Variants in OPRK1 observed in about 807,000 individuals in gnomAD.
OPRK1 encodes opioid receptor kappa 1, also known as kappa-type opioid receptor.
Under a neutral mutation model 24.5 loss-of-function variants are expected in OPRK1, and 15 were observed. The observed-to-expected ratio is 0.61, with a 90% confidence interval of 0.41 to 0.94. OPRK1 has a LOEUF of 0.94. Among genes scored for constraint, OPRK1 ranks in the 40% least tolerant of loss-of-function variants. The pLI is 0.00. For missense variants in OPRK1, 479 were observed against 507.3 expected, an observed-to-expected ratio of 0.94 and a Z score of 0.54; for synonymous variants, 205 against 198.0, an observed-to-expected ratio of 1.04 and a Z score of -0.30.
chr8:53,228,343 T>G lies in OPRK1; in HGVS notation c.*954A>C, dbSNP rs1201317394. ...TCATTAGCACATGAGTTGTGAGCAC[T>G]GTTACGGGACTAAATGGTATTCAGG... On this transcript the variant is annotated 3_prime_UTR_variant, in exon 4 of 4. Transcript: ENST00000265572. 1 of 152,232 alleles carries G rather than the reference T, an allele frequency of 6.6e-6. No individual in the cohort carries two copies. The highest frequency in any genetic ancestry group is 1.5e-5 in the Non-Finnish European group (1 of 68,030). The allele number at this position is 152,232 out of a possible 1,614,324, so 9.4% of individuals were successfully genotyped here.
intron 2 of OPRK1, among the ~76,000 whole-genome samples, chr8:53,237,401 A>G (rs2128808974): frequency 6.6e-6 from 1 of 152,348 alleles, no homozygotes; most frequent in South Asian, 2.1e-4. Context: ...AGATGTATGA[A>G]ACTGTGTAAG....
rs1806702767 is a variant in OPRK1, at chr8:53,226,813, T to C, written c.*2484A>G. 6.6e-6 allele frequency: 1 copy of C among 152,206 alleles called. No homozygotes were observed. Among genetic ancestry groups the C allele is most frequent in the Non-Finnish European group, 1.5e-5 (1 of 68,038 alleles). 9.4% of individuals were successfully genotyped at this position (152,206 alleles called of 1,614,324 possible). ...CTTTTTCAATGTTGGGGAGTCGATA[T>C]TAACAAGAATCAAGAAGCTTGGACA... is the stretch of plus-strand genomic sequence containing the variant. On this transcript the variant is annotated 3_prime_UTR_variant, in exon 4 of 4. Coordinates refer to ENST00000265572, the MANE Select transcript of OPRK1 (RefSeq NM_000912.5).
rs1210894127 is a variant in OPRK1 at position 53,228,070 on chromosome 8, C to T, written c.*1227G>A. ...TTATCCTCAGCAGGTATGCCCTTCA[C>T]AGAATGCCATGCAGGATGTGTCCTG... is the stretch of plus-strand genomic sequence containing the variant. On this transcript the variant is annotated 3_prime_UTR_variant, in exon 4 of 4. Coordinates refer to ENST00000265572, the MANE Select transcript of OPRK1 (RefSeq NM_000912.5). 2 of 152,316 alleles carry T rather than the reference C, an allele frequency of 1.3e-5. No homozygotes were observed. Among genetic ancestry groups the T allele is most frequent in the Admixed American group, 6.5e-5 (1 of 15,296 alleles). 9.4% of individuals were successfully genotyped at this position (152,316 alleles called of 1,614,324 possible). A position where few individuals can be genotyped will look rare whatever the true frequency, so the allele number is the denominator to read the frequency against.
At chr8:53,242,038 G>A (rs1200668984) in intron 2 of OPRK1, among the ~76,000 whole-genome samples, 1 of 152,208 alleles carries the variant, frequency 6.6e-6, no homozygotes, top group Non-Finnish European at 1.5e-5. Flanking sequence ...TAAGAAAATG[G>A]CACCTCGCTA....
intron 2 of OPRK1, among the ~76,000 whole-genome samples, chr8:53,248,272 G>C (rs73589396): frequency 0.1 from 15,152 of 152,096 alleles, 828 homozygotes; most frequent in South Asian, 0.18. Context: ...CTAAAAGTAG[G>C]CATATCTTTC....
chr8:53,229,383 C>G lies in OPRK1; in HGVS notation c.1057G>C (p.Glu353Gln). Residue 353 changes from glutamate (E) to glutamine (Q), a missense_variant, in exon 4 of 4, where the codon GAG becomes CAG. Physicochemically the swap from Glu to Gln is conservative, Grantham distance 29. Coordinates refer to ENST00000265572, the MANE Select transcript of OPRK1 (RefSeq NM_000912.5). The part of the protein sequence containing the change: ...DFCFPLKMRM[E>Q]RQSTSRVRNT... Reference sequence around the variant, plus strand: ...CGGACTCTGCTAGTGCTCTGCCGCTCCATCCTCATCTTCAGTGGAAAGCAG... The same window carrying G: ...CGGACTCTGCTAGTGCTCTGCCGCTGCATCCTCATCTTCAGTGGAAAGCAG... 6.2e-7 allele frequency: 1 copy of G among 1,614,178 alleles called. No individual in the cohort carries two copies. Among genetic ancestry groups the G allele is most frequent in the South Asian group, 1.1e-5 (1 of 91,088 alleles).
At position 53,228,483 on chromosome 8, in the gene OPRK1, A is replaced by AG. The variant is rs1179416878; in HGVS notation, c.*813dup. ...CAGGAAATTGCCTGGCTGGGAGGCA[A>AG]GCCTATTCCTTATTCACACAGGTAC... On this transcript the variant is annotated 3_prime_UTR_variant, in exon 4 of 4. Transcript: ENST00000265572. The AG allele has an allele frequency of 6.6e-6, 1 of 152,200 alleles. No individual in the cohort carries two copies. Among genetic ancestry groups the AG allele is most frequent in the African/African-American group, 2.4e-5 (1 of 41,448 alleles). The allele number at this position is 152,200 out of a possible 1,614,324, so 9.4% of individuals were successfully genotyped here.
intron 3 of OPRK1, among the ~76,000 whole-genome samples, chr8:53,232,138 A>C (rs1806868675): frequency 1.3e-5 from 2 of 152,142 alleles, no homozygotes; most frequent in Non-Finnish European, 2.9e-5. Context: ...AGGCACAGAA[A>C]GACAAATATC....
At chr8:53,239,283 C>A (rs371733154) in intron 2 of OPRK1, among the ~76,000 whole-genome samples, 5 of 152,274 alleles carry the variant, frequency 3.3e-5, no homozygotes, top group African/African-American at 1.2e-4. Flanking sequence ...CTCTGAGGAT[C>A]TTTTAAACTG....
In OPRK1 at chr8:53,229,222, A is replaced by G. The variant is rs200726659; in HGVS notation, c.*75T>C. ...CTATCTTTTCATGTCAGACTGCAGTAGTGATCTGAGTTAAACCTAGATCAT... is the reference window on the plus strand; with the variant it reads ...CTATCTTTTCATGTCAGACTGCAGTGGTGATCTGAGTTAAACCTAGATCAT... On this transcript the variant is annotated 3_prime_UTR_variant, in exon 4 of 4. Coordinates refer to ENST00000265572, the MANE Select transcript of OPRK1 (RefSeq NM_000912.5). 3 of 1,474,502 alleles carry G rather than the reference A, an allele frequency of 2.0e-6. No homozygotes were observed. The highest frequency in any genetic ancestry group is 4.7e-4 in the Middle Eastern group (2 of 4,266). 91.3% of individuals were successfully genotyped at this position (1,474,502 alleles called of 1,614,324 possible).
At chr8:53,240,292 G>GAAACA (rs1227834377) in intron 2 of OPRK1, among the ~76,000 whole-genome samples, 6 of 152,092 alleles carry the variant, frequency 3.9e-5, no homozygotes, top group Admixed American at 6.6e-5. Flanking sequence ...AAAGAAAAAG[G>GAAACA]AAACAAAACA....
chr8:53,243,850 T>C (rs925839607), intron 2 of OPRK1, among the ~76,000 whole-genome samples: 1 of 152,098 alleles, frequency 6.6e-6, no homozygotes. Context: ...AAGCCTAAAA[T>C]AAGACTGGTG....
intron 2 of OPRK1, among the ~76,000 whole-genome samples, chr8:53,246,420 G>A (rs1301745078): frequency 1.3e-5 from 2 of 152,220 alleles, no homozygotes; most frequent in Non-Finnish European, 2.9e-5. Flanking sequence ...CCCATGACAG[G>A]CAGGAGGATG....
chr8:53,251,336 G>A lies in OPRK1; in HGVS notation c.-49+112C>T, dbSNP rs148106184. 244 of 459,574 alleles carry A rather than the reference G, an allele frequency of 5.3e-4. 1 individual carries two copies. In the East Asian group the frequency reaches 1.0e-2, roughly 19 times the overall value. The allele number at this position is 459,574 out of a possible 1,614,324, so 28.5% of individuals were successfully genotyped here. ...GCCTCCCTCACCAATTCTAGGCACCGGCCCCTGGTGGAACTGTCCCCAGAC... is the reference window on the plus strand; with the variant it reads ...GCCTCCCTCACCAATTCTAGGCACCAGCCCCTGGTGGAACTGTCCCCAGAC... On this transcript the variant is annotated intron_variant, in intron 1 of 3. Transcript: ENST00000265572.
rs1401088441 is a variant in OPRK1 at position 53,228,233 on chromosome 8, T to C, written c.*1064A>G. On this transcript the variant is annotated 3_prime_UTR_variant, in exon 4 of 4. Transcript: ENST00000265572. Reference sequence around the variant, plus strand: ...CTCCGTGAATAGAGAGATCTGCGAATCGCTATATGTTCATAAAGAGATGTG... The same window carrying C: ...CTCCGTGAATAGAGAGATCTGCGAACCGCTATATGTTCATAAAGAGATGTG... 2 of 152,218 alleles carry C rather than the reference T, an allele frequency of 1.3e-5. No individual in the cohort carries two copies. The highest frequency in any genetic ancestry group is 2.9e-5 in the Non-Finnish European group (2 of 68,042). 9.4% of individuals were successfully genotyped at this position (152,218 alleles called of 1,614,324 possible).
At chr8:53,238,004 A>C (rs1585633133) in intron 2 of OPRK1, among the ~76,000 whole-genome samples, 1 of 152,186 alleles carries the variant, frequency 6.6e-6, no homozygotes, top group Non-Finnish European at 1.5e-5. Context: ...AGTATAATTA[A>C]AAGTAATGAA....
chr8:53,242,716 C>T lies in OPRK1; in HGVS notation c.258-7605G>A, dbSNP rs1302600978. Reference sequence around the variant, plus strand: ...AGAGACGGGGTTTCACTGTGTTAGCCAGGATGGTCTCCATCTCCTGACCTC... The same window carrying T: ...AGAGACGGGGTTTCACTGTGTTAGCTAGGATGGTCTCCATCTCCTGACCTC... On this transcript the variant is annotated intron_variant, in intron 2 of 3. Coordinates refer to ENST00000265572, the MANE Select transcript of OPRK1 (RefSeq NM_000912.5). The T allele has an allele frequency of 1.1e-5, 8 of 721,330 alleles. No homozygotes were observed. The Admixed American group carries it at 3.2e-4, about 29-fold the overall frequency. The allele number at this position is 721,330 out of a possible 1,614,324, so 44.7% of individuals were successfully genotyped here. A position where few individuals can be genotyped will look rare whatever the true frequency, so the allele number is the denominator to read the frequency against.
chr8:53,251,182 C>G (rs984802788), intron 1 of OPRK1, 97 bp from the exon 2 acceptor site: 9 of 1,330,298 alleles, frequency 6.8e-6, no homozygotes, highest in South Asian at 5.0e-5. Flanking sequence ...GACTCCCACC[C>G]GGGCCGCAAG....
At chr8:53,238,073 C>T (rs975746041) in intron 2 of OPRK1, among the ~76,000 whole-genome samples, 42 of 152,186 alleles carry the variant, frequency 2.8e-4, no homozygotes, top group African/African-American at 1.0e-3. Flanking sequence ...CACTGGACTA[C>T]TCTGTGAACG....
Sources: allele counts gnomAD v4.1 joint callset (sites outside exome capture counted in the v4.1 genomes callset), GRCh38; gene constraint gnomAD v4.1.1; transcripts MANE v1.5; gene names NCBI Gene and HGNC (gene_info 2026-07-23, HGNC 2026-07-21).